Variants in HDAC8 observed in about 807,000 individuals in gnomAD.
HDAC8 encodes the protein histone deacetylase-like 1.
Under a neutral mutation model 32.2 loss-of-function variants are expected in HDAC8, and 1 was observed. That is an observed-to-expected ratio of 0.03 (90% CI 0.01 to 0.15). The LOEUF (loss-of-function observed/expected upper bound fraction) is 0.15. HDAC8 is among the 10% of genes least tolerant of loss of function. The pLI, the probability that HDAC8 is intolerant of heterozygous loss-of-function variation, is 1.00. For missense variants in HDAC8, 117 were observed against 300.0 expected, an observed-to-expected ratio of 0.39 and a Z score of 4.51; for synonymous variants, 108 against 113.9, an observed-to-expected ratio of 0.95 and a Z score of 0.33.
At chrX:72,376,241 T>G (rs1653032050) in intron 9 of HDAC8, among the ~76,000 whole-genome samples, 2 of 111,285 alleles carry the variant, frequency 1.8e-5, no homozygotes, top group South Asian at 7.5e-4. Context: ...CTAAGGTGGG[T>G]AGTAATATCT....
chrX:72,448,506 TTCAGGACA>T lies in HDAC8; in HGVS notation c.1005+13490_1005+13497del, dbSNP rs1211830355. Among the ~76,000 whole-genome samples the T allele has an allele frequency of 5.4e-5, 6 of 111,948 alleles. No homozygotes were observed. The East Asian group carries it at 1.1e-3, about 21-fold the overall frequency. The stretch of plus-strand genomic sequence containing the variant: ...CTAGAAGAAAACCTAGGCAATACCA[TTCAGGACA>T]TAGGCATGGGCAAAGACTTCATGAC... On this transcript the variant is annotated intron_variant, in intron 9 of 10. Transcript: ENST00000373573.
In HDAC8 at chrX:72,562,444, G is replaced by A. The variant is rs145315462; in HGVS notation, c.437+5445C>T. Among the ~76,000 whole-genome samples the A allele has an allele frequency of 3.2e-3, 357 of 111,844 alleles. 1 individual carries two copies. Among genetic ancestry groups the A allele is most frequent in the African/African-American group, 0.011 (341 of 30,857 alleles). Reference sequence around the variant, plus strand: ...GTAACTCAGGAATGGAAAACCAAACGTCGTATGTTCTCATTCATGTGGAAG... The same window carrying A: ...GTAACTCAGGAATGGAAAACCAAACATCGTATGTTCTCATTCATGTGGAAG... On this transcript the variant is annotated intron_variant, in intron 4 of 10. Coordinates refer to ENST00000373573, the MANE Select transcript of HDAC8 (RefSeq NM_018486.3).
At chrX:72,505,763 G>A (rs1242572008) in intron 4 of HDAC8, among the ~76,000 whole-genome samples, 2 of 110,368 alleles carry the variant, frequency 1.8e-5, no homozygotes, top group African/African-American at 3.3e-5. Flanking sequence ...CTCTAGCCTG[G>A]GTGAAGAGAC....
intron 7 of HDAC8, among the ~76,000 whole-genome samples, chrX:72,470,514 C>G (rs924709856): frequency 8.9e-6 from 1 of 111,742 alleles, no homozygotes; most frequent in East Asian, 2.8e-4. Flanking sequence ...CTTACATCTT[C>G]AGTCCCTGAA....
At chrX:72,517,048 C>G (rs1284849682) in intron 4 of HDAC8, among the ~76,000 whole-genome samples, 1 of 112,342 alleles carries the variant, frequency 8.9e-6, no homozygotes, top group East Asian at 2.8e-4. Flanking sequence ...ACAGTCCCAC[C>G]AGCAATGTAT....
At chrX:72,571,552 T>A (rs1425106110) in intron 2 of HDAC8, among the ~76,000 whole-genome samples, 4 of 73,620 alleles carry the variant, frequency 5.4e-5, no homozygotes, top group African/African-American at 2.2e-4. Context: ...TTTCTTTCTT[T>A]CTTTTTTTTT....
chrX:72,385,878 C>G (rs1555961258), intron 9 of HDAC8, among the ~76,000 whole-genome samples: 1 of 112,088 alleles, frequency 8.9e-6, no homozygotes. Context: ...CACACTCTTA[C>G]TCACTGTACT....
intron 7 of HDAC8, among the ~76,000 whole-genome samples, chrX:72,464,976 C>A (rs1459703002): frequency 8.9e-6 from 1 of 111,848 alleles, no homozygotes; most frequent in Non-Finnish European, 1.9e-5. Context: ...ACACATCTGC[C>A]CTTCTGTTTT....
At chrX:72,544,406 T>A (rs2050798708) in intron 4 of HDAC8, among the ~76,000 whole-genome samples, 1 of 111,639 alleles carries the variant, frequency 9.0e-6, no homozygotes. Context: ...GAAGGTCATT[T>A]TTTTGTGTGA....
chrX:72,474,587 TC>T, intron 7 of HDAC8: 1 of 1,181,269 alleles, frequency 8.5e-7, no homozygotes. Context: ...TACAAGATAT[TC>T]ATTTAAAATG....
At chrX:72,449,006 T>C (rs1233035932) in intron 9 of HDAC8, among the ~76,000 whole-genome samples, 4 of 112,154 alleles carry the variant, frequency 3.6e-5, no homozygotes, top group Admixed American at 2.8e-4. Flanking sequence ...TGGAAGACAG[T>C]GTGGTGATTC....
At chrX:72,503,538 T>C (rs2049292405) in intron 4 of HDAC8, among the ~76,000 whole-genome samples, 1 of 112,144 alleles carries the variant, frequency 8.9e-6, no homozygotes, top group African/African-American at 3.2e-5. Context: ...AATTCATAAC[T>C]ATCTAGTAGA....
At chrX:72,392,505 G>A (rs782118752) in intron 9 of HDAC8, among the ~76,000 whole-genome samples, 2 of 112,168 alleles carry the variant, frequency 1.8e-5, no homozygotes, top group South Asian at 7.5e-4. Context: ...ATCCCAAAGA[G>A]TCAGTGTTGA....
chrX:72,527,030 G>C (rs782355884), intron 4 of HDAC8, among the ~76,000 whole-genome samples: 1 of 111,467 alleles, frequency 9.0e-6, no homozygotes, highest in South Asian at 3.8e-4. Context: ...CCTGCTTAAT[G>C]ATCTTTTCTA....
intron 4 of HDAC8, among the ~76,000 whole-genome samples, chrX:72,566,309 A>G (rs187824968): frequency 8.9e-6 from 1 of 111,970 alleles, no homozygotes; most frequent in East Asian, 2.8e-4. Context: ...AAAACAAAAA[A>G]CAAAAAACAA....
intron 9 of HDAC8, among the ~76,000 whole-genome samples, chrX:72,412,073 T>C (rs2046211584): frequency 8.9e-6 from 1 of 112,170 alleles, no homozygotes; most frequent in African/African-American, 3.2e-5. Flanking sequence ...GGAAGAGGTT[T>C]AGGGAAGGCT....
chrX:72,403,321 G>A (rs1555967929), intron 9 of HDAC8, among the ~76,000 whole-genome samples: 1 of 110,067 alleles, frequency 9.1e-6, no homozygotes, highest in East Asian at 2.8e-4. Context: ...TTTTCTTAGT[G>A]GTTTCTCTAG....
At chrX:72,557,910 C>T (rs1489767698) in intron 4 of HDAC8, among the ~76,000 whole-genome samples, 1 of 111,760 alleles carries the variant, frequency 8.9e-6, no homozygotes. Context: ...GATATTACAA[C>T]TGATACCACA....
At chrX:72,339,377 T>C (rs1348114652) in intron 10 of HDAC8, among the ~76,000 whole-genome samples, 3 of 112,212 alleles carry the variant, frequency 2.7e-5, no homozygotes, top group Non-Finnish European at 5.6e-5. Context: ...GGAAGACATA[T>C]ATGGAGGCAA....
Sources: allele counts gnomAD v4.1 joint callset (sites outside exome capture counted in the v4.1 genomes callset), GRCh38; gene constraint gnomAD v4.1.1; transcripts MANE v1.5; gene names NCBI Gene and HGNC (gene_info 2026-07-23, HGNC 2026-07-21).